The following P3H2 variants were observed in gnomAD, a reference collection of about 807,000 sequenced individuals.
P3H2 encodes prolyl 3-hydroxylase 2.
P3H2 carries 80 observed loss-of-function variants against 87.0 expected under a neutral mutation model. The observed-to-expected ratio is 0.92, with a 90% CI of 0.77 to 1.11. P3H2 has a LOEUF of 1.11. Among genes scored for constraint, P3H2 ranks in the 50% least tolerant of loss-of-function variants. P3H2 has a pLI of 0.00. For synonymous variants in P3H2, 367 were observed against 359.3 expected (o/e 1.02, Z -0.24); for missense variants, 1,001 against 923.9 (o/e 1.08, Z -1.08).
intron 1 of P3H2, among the ~76,000 whole-genome samples, chr3:190,099,469 A>G (rs976988196): frequency 6.6e-6 from 1 of 152,204 alleles, no homozygotes; most frequent in African/African-American, 2.4e-5. Flanking sequence ...CTAAAGCTTT[A>G]TATCTTTATA....
At chr3:190,084,047 C>T (rs955320406) in intron 1 of P3H2, among the ~76,000 whole-genome samples, 22 of 152,166 alleles carry the variant, frequency 1.4e-4, no homozygotes, top group African/African-American at 5.1e-4. Context: ...CTTGGATTCT[C>T]AGTAAGAAGA....
At chr3:190,060,605 A>C (rs967513252) in intron 1 of P3H2, among the ~76,000 whole-genome samples, 4 of 152,174 alleles carry the variant, frequency 2.6e-5, no homozygotes, top group African/African-American at 9.7e-5. Context: ...TGGATGATGC[A>C]CTGTATCTTA....
rs1722674197 is a variant in P3H2, at chr3:189,957,538, A to G, written c.*374T>C. On this transcript the variant is annotated 3_prime_UTR_variant, in exon 15 of 15. Transcript: ENST00000319332. ...TACATGAAATGATGAAAAACCAAGA[A>G]AGAGAGCTGGGTGTGGTGGCACGTG... The G allele has an allele frequency of 2.6e-6, 1 of 384,558 alleles. No individual in the cohort carries two copies. The highest frequency in any genetic ancestry group is 2.1e-5 in the African/African-American group (1 of 48,718). The allele number at this position is 384,558 out of a possible 1,614,324, so 23.8% of individuals were successfully genotyped here.
chr3:190,094,176 G>T (rs930410279), intron 1 of P3H2, among the ~76,000 whole-genome samples: 2 of 152,192 alleles, frequency 1.3e-5, no homozygotes, highest in Admixed American at 6.5e-5. Flanking sequence ...ACATTGCAAA[G>T]ACACTAATCA....
chr3:190,026,466 T>C (rs1725087940), intron 1 of P3H2, among the ~76,000 whole-genome samples: 1 of 152,174 alleles, frequency 6.6e-6, no homozygotes, highest in South Asian at 2.1e-4. Context: ...AAGATGGCGC[T>C]GAGAGTCACC....
At chr3:190,024,335 G>A (rs569273515) in intron 1 of P3H2, among the ~76,000 whole-genome samples, 223 of 151,972 alleles carry the variant, frequency 1.5e-3, no homozygotes, top group African/African-American at 5.3e-3. Flanking sequence ...TCAGGAGTTC[G>A]AGACCAGCGT....
chr3:190,079,369 TAAA>T, intron 1 of P3H2, among the ~76,000 whole-genome samples: 1 of 150,972 alleles, frequency 6.6e-6, no homozygotes, highest in African/African-American at 2.4e-5. Flanking sequence ...AATAAATAAA[TAAA>T]TAAATAAATA....
At chr3:190,088,514 T>C (rs1727300934) in intron 1 of P3H2, among the ~76,000 whole-genome samples, 1 of 152,156 alleles carries the variant, frequency 6.6e-6, no homozygotes, top group South Asian at 2.1e-4. Flanking sequence ...CCAAAATTAG[T>C]CATAATTGGG....
intron 1 of P3H2, among the ~76,000 whole-genome samples, chr3:190,010,930 C>CA: frequency 6.6e-6 from 1 of 152,130 alleles, no homozygotes; most frequent in Non-Finnish European, 1.5e-5. Flanking sequence ...ACTTTTAATC[C>CA]AGTGTTCTTT....
intron 3 of P3H2, among the ~76,000 whole-genome samples, chr3:189,993,175 A>C (rs1184921283): frequency 6.6e-6 from 1 of 152,022 alleles, no homozygotes; most frequent in Non-Finnish European, 1.5e-5. Context: ...ATACAAAATT[A>C]GTTGGGTCTG....
chr3:190,015,627 G>C (rs1299680076), intron 1 of P3H2, among the ~76,000 whole-genome samples: 1 of 152,078 alleles, frequency 6.6e-6, no homozygotes, highest in African/African-American at 2.4e-5. Context: ...CTCCCCAAGA[G>C]TAGGTCCAGC....
intron 6 of P3H2, 115 bp from the exon 7 acceptor site, chr3:189,984,705 A>G (rs1156967514): frequency 1.3e-6 from 1 of 744,110 alleles, no homozygotes; most frequent in African/African-American, 1.8e-5. Flanking sequence ...ATAATTTAGG[A>G]ATTTTGCATA....
intron 1 of P3H2, among the ~76,000 whole-genome samples, chr3:190,085,897 A>C (rs1289660837): frequency 1.3e-5 from 2 of 152,172 alleles, no homozygotes; most frequent in Non-Finnish European, 2.9e-5. Context: ...AATAGTATGT[A>C]ATGGTCTAAT....
chr3:190,087,152 T>A (rs183966593), intron 1 of P3H2, among the ~76,000 whole-genome samples: 3 of 152,350 alleles, frequency 2.0e-5, no homozygotes, highest in Admixed American at 2.0e-4. Flanking sequence ...TTACTCTGCA[T>A]ATTTTATACC....
intron 1 of P3H2, among the ~76,000 whole-genome samples, chr3:190,061,408 C>A (rs185033773): frequency 2.6e-5 from 4 of 152,028 alleles, no homozygotes; most frequent in African/African-American, 9.6e-5. Context: ...TTAATGCAAA[C>A]CCTCATATGA....
At chr3:190,048,745 C>T (rs973154647) in intron 1 of P3H2, among the ~76,000 whole-genome samples, 1 of 152,132 alleles carries the variant, frequency 6.6e-6, no homozygotes, top group African/African-American at 2.4e-5. Flanking sequence ...AGATCAGCTA[C>T]ATATCCCAGA....
intron 1 of P3H2, among the ~76,000 whole-genome samples, chr3:190,021,079 C>T (rs1329392375): frequency 7.4e-6 from 1 of 134,660 alleles, no homozygotes; most frequent in Non-Finnish European, 1.7e-5. Context: ...GGCTAGAGTC[C>T]TCTAGATGTT....
intron 1 of P3H2, among the ~76,000 whole-genome samples, chr3:190,018,716 G>T (rs952787761): frequency 6.6e-5 from 10 of 152,066 alleles, no homozygotes; most frequent in African/African-American, 1.4e-4. Flanking sequence ...CTCAAAAAAG[G>T]ATAAAAAGAT....
chr3:189,996,091 A>T (rs1724044421), intron 1 of P3H2, among the ~76,000 whole-genome samples: 1 of 152,238 alleles, frequency 6.6e-6, no homozygotes, highest in Admixed American at 6.5e-5. Context: ...CATAAGATCC[A>T]GCAATCTCAC....
Sources: allele counts gnomAD v4.1 joint callset (sites outside exome capture counted in the v4.1 genomes callset), GRCh38; gene constraint gnomAD v4.1.1; transcripts MANE v1.5; gene names NCBI Gene and HGNC (gene_info 2026-07-23, HGNC 2026-07-21).